Variants in ELP4 observed in about 807,000 individuals in gnomAD.
ELP4 encodes the protein elongator acetyltransferase complex subunit 4.
Under a neutral mutation model 48.9 loss-of-function variants are expected in ELP4, and 51 were observed. The observed-to-expected ratio is 1.04, with a 90% CI of 0.83 to 1.32. ELP4 has a LOEUF of 1.32. Ranked by LOEUF, ELP4 falls within the 40% of genes most tolerant of loss-of-function variation. The pLI is 0.00. For missense variants in ELP4, 519 were observed against 514.6 expected (o/e 1.01, Z -0.08); for synonymous variants, 210 against 189.2 (o/e 1.11, Z -0.90).
chr11:31,526,879 G>A (rs2133887628), intron 2 of ELP4, among the ~76,000 whole-genome samples: 1 of 151,892 alleles, frequency 6.6e-6, no homozygotes, highest in East Asian at 1.9e-4. Flanking sequence ...AAAACAAGGG[G>A]AAAAAAATCT....
Position 31,632,411 on chromosome 11 carries a change from A to G in ELP4, c.927+6A>G. On this transcript the variant is annotated splice_donor_region_variant and intron_variant, in intron 7 of 9. Transcript: ENST00000640961. ...TGCCAACACATCTGATCCAGGTACG[A>G]AATTTCCAGAACTACTTTTTCATAA... 1 of 1,593,078 alleles carries G rather than the reference A, an allele frequency of 6.3e-7. No individual in the cohort carries two copies. The highest frequency in any genetic ancestry group is 8.5e-7 in the Non-Finnish European group (1 of 1,173,158).
chr11:31,693,463 T>C (rs930272580), intron 9 of ELP4, among the ~76,000 whole-genome samples: 3 of 152,156 alleles, frequency 2.0e-5, no homozygotes. Context: ...TCCAGCTTCA[T>C]CCATGTCCCT....
At chr11:31,662,384 G>C in intron 9 of ELP4, 1 of 391,608 alleles carries the variant, frequency 2.6e-6, no homozygotes, top group East Asian at 3.6e-5. Context: ...AAGCAACTAT[G>C]CCCCTGTTGC....
At chr11:31,721,477 A>G (rs904936625) in intron 9 of ELP4, among the ~76,000 whole-genome samples, 1 of 152,058 alleles carries the variant, frequency 6.6e-6, no homozygotes, top group African/African-American at 2.4e-5. Flanking sequence ...AGAATTTTTA[A>G]CTGTCTTGGC....
chr11:31,551,441 G>A (rs1249943748), intron 3 of ELP4, among the ~76,000 whole-genome samples: 2 of 152,102 alleles, frequency 1.3e-5, no homozygotes, highest in East Asian at 1.9e-4. Flanking sequence ...AAATTTGATG[G>A]TTTTTCTTAC....
intron 9 of ELP4, among the ~76,000 whole-genome samples, chr11:31,752,960 T>C (rs1337518879): frequency 6.6e-6 from 1 of 152,142 alleles, no homozygotes; most frequent in African/African-American, 2.4e-5. Flanking sequence ...GGACTTGGTA[T>C]TCCTATAACT....
intron 9 of ELP4, 48 bp downstream of exon 9, chr11:31,650,269 T>TTTTAACTTA (rs1945293854): frequency 3.4e-6 from 2 of 596,132 alleles, no homozygotes; most frequent in African/African-American, 3.9e-5. Context: ...ATAAACTTAT[T>TTTTAACTTA]TTTAACTTAT....
intron 5 of ELP4, among the ~76,000 whole-genome samples, chr11:31,618,976 G>T (rs932500885): frequency 6.6e-6 from 1 of 152,010 alleles, no homozygotes; most frequent in African/African-American, 2.4e-5. Context: ...AGTTTTAATG[G>T]ATGGGATGGG....
At chr11:31,560,684 A>ATTGTTTTATACATATATAAAACAACG (rs1565053631) in intron 3 of ELP4, among the ~76,000 whole-genome samples, 9 of 108,842 alleles carry the variant, frequency 8.3e-5, no homozygotes, top group African/African-American at 3.1e-4. Flanking sequence ...TAAAGACCAC[A>ATTGTTTTATACATATATAAAACAACG]TTGTTTTATA....
chr11:31,712,694 A>T (rs770131181), intron 9 of ELP4, among the ~76,000 whole-genome samples: 2 of 152,202 alleles, frequency 1.3e-5, no homozygotes, highest in African/African-American at 4.8e-5. Context: ...CAGGTAAGCT[A>T]TAAAATAGCA....
At chr11:31,574,279 G>C (rs927673367) in intron 3 of ELP4, among the ~76,000 whole-genome samples, 1 of 152,162 alleles carries the variant, frequency 6.6e-6, no homozygotes, top group Non-Finnish European at 1.5e-5. Flanking sequence ...GGTAAACAAA[G>C]CCTCCAGGAA....
chr11:31,530,755 T>C (rs914361859), intron 2 of ELP4, among the ~76,000 whole-genome samples: 11 of 152,190 alleles, frequency 7.2e-5, no homozygotes, highest in Admixed American at 1.3e-4. Context: ...TCGGGTCTCT[T>C]TCTTTAAGCT....
chr11:31,696,718 A>G (rs1351905588), intron 9 of ELP4, among the ~76,000 whole-genome samples: 1 of 152,178 alleles, frequency 6.6e-6, no homozygotes, highest in Admixed American at 6.6e-5. Context: ...GCCAAATTGT[A>G]AAGACCATCC....
chr11:31,551,547 T>G (rs573644336), intron 3 of ELP4, among the ~76,000 whole-genome samples: 63 of 152,290 alleles, frequency 4.1e-4, no homozygotes, highest in African/African-American at 1.4e-3. Context: ...TTAAGACAAA[T>G]TAGTATAAGT....
chr11:31,546,736 TA>T (rs1275134407), intron 3 of ELP4, among the ~76,000 whole-genome samples: 15 of 151,816 alleles, frequency 9.9e-5, no homozygotes, highest in Non-Finnish European at 1.8e-4. Context: ...TAGTTGGAAG[TA>T]AAGCTCTCCT....
intron 2 of ELP4, among the ~76,000 whole-genome samples, chr11:31,522,581 A>G (rs559864988): frequency 7.0e-4 from 107 of 152,156 alleles, no homozygotes; most frequent in Non-Finnish European, 1.3e-3. Context: ...ATCTTTTTCT[A>G]TTACTAACAA....
chr11:31,741,198 G>A (rs967876571), intron 9 of ELP4, among the ~76,000 whole-genome samples: 6 of 151,810 alleles, frequency 4.0e-5, no homozygotes, highest in East Asian at 1.9e-4. Context: ...GGGGAGGGGC[G>A]CCCGCCATAG....
intron 1 of ELP4, among the ~76,000 whole-genome samples, chr11:31,516,069 C>T (rs766528402): frequency 3.9e-5 from 6 of 152,142 alleles, no homozygotes; most frequent in African/African-American, 1.4e-4. Flanking sequence ...GCTGAGATTG[C>T]ACCACTGCAC....
chr11:31,732,887 A>G (rs950198433), intron 9 of ELP4, among the ~76,000 whole-genome samples: 1 of 152,220 alleles, frequency 6.6e-6, no homozygotes, highest in African/African-American at 2.4e-5. Flanking sequence ...TGTTATATAA[A>G]TGTACCCAGC....
Sources: allele counts gnomAD v4.1 joint callset (sites outside exome capture counted in the v4.1 genomes callset), GRCh38; gene constraint gnomAD v4.1.1; transcripts MANE v1.5; gene names NCBI Gene and HGNC (gene_info 2026-07-23, HGNC 2026-07-21).